The following MAS1 variants were observed in gnomAD, a reference collection of about 807,000 sequenced individuals.
The protein encoded by MAS1 is MAS1 proto-oncogene, G protein-coupled receptor.
For missense variants in MAS1, 387 were observed against 409.7 expected (o/e 0.94, Z 0.48); for synonymous variants, 163 against 164.2 (o/e 0.99, Z 0.05).
Position 159,916,749 on chromosome 6 carries a change from C to A in MAS1, c.*8816C>A, listed in dbSNP as rs1783031530. On this transcript the variant is annotated 3_prime_UTR_variant, in exon 3 of 3. Coordinates refer to ENST00000674077, the MANE Select transcript of MAS1 (RefSeq NM_002377.4). ...CTGTATTTGCAAGTGAGTGCAGACT[C>A]CCCTGATTCCAATGAAGCTGCTGTT... is the stretch of plus-strand genomic sequence containing the variant. Among the ~76,000 whole-genome samples, 1 of 152,224 alleles carries A rather than the reference C, an allele frequency of 6.6e-6. No individual in the cohort carries two copies. Among genetic ancestry groups the A allele is most frequent in the Non-Finnish European group, 1.5e-5 (1 of 68,042 alleles).
At chr6:159,900,308 A>C (rs1782807979) in intron 2 of MAS1, among the ~76,000 whole-genome samples, 1 of 152,054 alleles carries the variant, frequency 6.6e-6, no homozygotes, top group South Asian at 2.1e-4. Context: ...TACTCTCCTC[A>C]CACTTCCCAA....
intron 1 of MAS1, among the ~76,000 whole-genome samples, chr6:159,892,414 T>A (rs1782709759): frequency 6.6e-6 from 1 of 152,178 alleles, no homozygotes; most frequent in Non-Finnish European, 1.5e-5. Flanking sequence ...TCCCCCAGCC[T>A]GAGTTTTATT....
At chr6:159,891,703 C>T (rs1562308174) in intron 1 of MAS1, among the ~76,000 whole-genome samples, 1 of 152,176 alleles carries the variant, frequency 6.6e-6, no homozygotes, top group Non-Finnish European at 1.5e-5. Context: ...GACAAGATGT[C>T]TGTTAAAAGG....
In MAS1 at chr6:159,913,650, A is replaced by G. The variant is rs990196408; in HGVS notation, c.*5717A>G. Reference sequence around the variant, plus strand: ...TGATGTGGTTTGGGTTTCTTACAACATGGTGATTGTGTTCTGGAAGGAAGT... The same window carrying G: ...TGATGTGGTTTGGGTTTCTTACAACGTGGTGATTGTGTTCTGGAAGGAAGT... On this transcript the variant is annotated 3_prime_UTR_variant, in exon 3 of 3. Transcript: ENST00000674077. The G allele has an allele frequency of 2.6e-5, 4 of 152,218 alleles. No homozygotes were observed. The highest frequency in any genetic ancestry group is 9.6e-5 in the African/African-American group (4 of 41,452). 9.4% of individuals were successfully genotyped at this position (152,218 alleles called of 1,614,324 possible). A position where few individuals can be genotyped will look rare whatever the true frequency, so the allele number is the denominator to read the frequency against.
At chr6:159,893,048 C>T (rs890785006) in intron 1 of MAS1, among the ~76,000 whole-genome samples, 12 of 152,230 alleles carry the variant, frequency 7.9e-5, no homozygotes, top group African/African-American at 2.2e-4. Flanking sequence ...GGCCTCTGCA[C>T]TGTACTTTGA....
chr6:159,894,689 C>T (rs1234553901), intron 1 of MAS1, among the ~76,000 whole-genome samples: 2 of 152,266 alleles, frequency 1.3e-5, no homozygotes, highest in African/African-American at 2.4e-5. Context: ...TGGCTGAGAG[C>T]GCTGCGCTGT....
intron 2 of MAS1, 158 bp from the exon 3 acceptor site, chr6:159,906,762 G>A (rs531120080): frequency 5.1e-6 from 3 of 593,124 alleles, no homozygotes; most frequent in Non-Finnish European, 8.7e-6. Context: ...GGTCCTAAAG[G>A]CCTAATCTTA....
chr6:159,906,059 T>C lies in MAS1; in HGVS notation c.-36-861T>C, dbSNP rs981673859. Among the ~76,000 whole-genome samples the C allele has an allele frequency of 5.3e-5, 8 of 152,162 alleles. No homozygotes were observed. The Middle Eastern group carries it at 0.02, about 388-fold the overall frequency. On this transcript the variant is annotated intron_variant, in intron 2 of 2. Transcript: ENST00000674077. ...CTGTCTCAAAAAAAAAAAAGTTATTTTGATCAACTTCTTATGGACAAAGTT... is the reference window on the plus strand; with the variant it reads ...CTGTCTCAAAAAAAAAAAAGTTATTCTGATCAACTTCTTATGGACAAAGTT...
intron 1 of MAS1, among the ~76,000 whole-genome samples, chr6:159,896,480 C>T (rs538523263): frequency 4.6e-5 from 7 of 152,106 alleles, no homozygotes; most frequent in South Asian, 4.2e-4. Context: ...TAAAAACGAG[C>T]GTGTGTAAGA....
intron 2 of MAS1, 64 bp from the exon 3 acceptor site, chr6:159,906,855 CT>C: frequency 7.9e-7 from 1 of 1,271,708 alleles, no homozygotes; most frequent in Non-Finnish European, 1.1e-6. Context: ...GAATTTCTCC[CT>C]TTTATTCCAA....
intron 2 of MAS1, among the ~76,000 whole-genome samples, chr6:159,906,032 C>A (rs918593893): frequency 1.3e-5 from 2 of 151,620 alleles, no homozygotes; most frequent in Admixed American, 1.3e-4. Context: ...CAGAGCAAGT[C>A]TCTGTCTCAA....
intron 1 of MAS1, among the ~76,000 whole-genome samples, chr6:159,896,228 G>A (rs553840618): frequency 1.3e-5 from 2 of 152,222 alleles, no homozygotes; most frequent in Non-Finnish European, 2.9e-5. Flanking sequence ...CCAGGAGATA[G>A]AGGCTGCAGT....
Position 159,908,096 on chromosome 6 carries a change from C to A in MAS1, c.*163C>A. ...ATGAAATTGAACTCTTGTACTGTATCTTCTGGAAATGACCTGTCATTTCTG... is the reference window on the plus strand; with the variant it reads ...ATGAAATTGAACTCTTGTACTGTATATTCTGGAAATGACCTGTCATTTCTG... On this transcript the variant is annotated 3_prime_UTR_variant, in exon 3 of 3. Transcript: ENST00000674077. 1.4e-6 allele frequency: 1 copy of A among 708,608 alleles called. No homozygotes were observed. Among genetic ancestry groups the A allele is most frequent in the Non-Finnish European group, 2.1e-6 (1 of 467,188 alleles). The allele number at this position is 708,608 out of a possible 1,614,324, so 43.9% of individuals were successfully genotyped here. A position where few individuals can be genotyped will look rare whatever the true frequency, so the allele number is the denominator to read the frequency against.
intron 1 of MAS1, among the ~76,000 whole-genome samples, chr6:159,892,944 A>G (rs1782717284): frequency 6.6e-6 from 1 of 152,196 alleles, no homozygotes; most frequent in Non-Finnish European, 1.5e-5. Context: ...AGTGGGGTTA[A>G]TCTGCTTGAT....
intron 1 of MAS1, among the ~76,000 whole-genome samples, chr6:159,892,754 C>T (rs1782713291): frequency 6.6e-6 from 1 of 152,188 alleles, no homozygotes; most frequent in African/African-American, 2.4e-5. Flanking sequence ...CTGCAAAGCC[C>T]ACATCCTTAC....
In MAS1 at chr6:159,916,668, C is replaced by A. The variant is rs1277694357; in HGVS notation, c.*8735C>A. On this transcript the variant is annotated 3_prime_UTR_variant, in exon 3 of 3. Coordinates refer to ENST00000674077, the MANE Select transcript of MAS1 (RefSeq NM_002377.4). Reference sequence around the variant, plus strand: ...TTCACTCCAGTGAGTGGAGCACTGGCACTGTTGCCAGTGAGAGGCAAAGAC... The same window carrying A: ...TTCACTCCAGTGAGTGGAGCACTGGAACTGTTGCCAGTGAGAGGCAAAGAC... 6.6e-6 allele frequency: 1 copy of A among 152,216 alleles called. No homozygotes were observed. Among genetic ancestry groups the A allele is most frequent in the Non-Finnish European group, 1.5e-5 (1 of 68,050 alleles). The allele number at this position is 152,216 out of a possible 1,614,324, so 9.4% of individuals were successfully genotyped here.
At position 159,907,927 on chromosome 6, in the gene MAS1, C is replaced by T. The variant is rs372960404; in HGVS notation, c.972C>T (p.Val324=). 36 of 1,582,616 alleles carry T rather than the reference C, an allele frequency of 2.3e-5. No individual in the cohort carries two copies. Among genetic ancestry groups the T allele is most frequent in the African/African-American group, 1.9e-4 (14 of 72,688 alleles). The change falls in exon 3 of 3, where the codon GTC becomes GTT. Residue 324 remains valine, a synonymous_variant. Transcript: ENST00000674077. The part of the protein sequence containing the change: ...DNCNTVTVET[V]V ...GTAATACGGTCACAGTTGAGACTGT[C>T]GTCTAAGAACTGTGAGGGAAGTTGT... is the stretch of plus-strand genomic sequence containing the variant.
At chr6:159,895,644 C>T (rs1782747090) in intron 1 of MAS1, among the ~76,000 whole-genome samples, 1 of 152,038 alleles carries the variant, frequency 6.6e-6, no homozygotes, top group African/African-American at 2.4e-5. Context: ...CATTAGGAAT[C>T]AAATAAATGC....
In MAS1 at chr6:159,909,771, A is replaced by G. The variant is rs1368121906; in HGVS notation, c.*1838A>G. 4 of 152,174 alleles carry G rather than the reference A, an allele frequency of 2.6e-5. No individual in the cohort carries two copies. The highest frequency in any genetic ancestry group is 4.4e-5 in the Non-Finnish European group (3 of 68,016). 9.4% of individuals were successfully genotyped at this position (152,174 alleles called of 1,614,324 possible). ...GGATCTTAGTCTCAAAGAGGACCCT[A>G]AAGACTATCAGATACAAGGAATTTC... On this transcript the variant is annotated 3_prime_UTR_variant, in exon 3 of 3. Coordinates refer to ENST00000674077, the MANE Select transcript of MAS1 (RefSeq NM_002377.4).
Sources: gnomAD v4.1 joint callset for allele counts (sites outside exome capture counted in the v4.1 genomes callset) on GRCh38, gnomAD v4.1.1 for gene constraint, MANE v1.5 for transcripts, NCBI Gene and HGNC (gene_info 2026-07-23, HGNC 2026-07-21) for gene names.